Variants in CDH18 observed in about 807,000 individuals in gnomAD.
CDH18 encodes the protein cadherin 18, also known as cadherin-18.
In CDH18, 31 loss-of-function variants were observed where a neutral mutation model predicts 67.9. That is an observed-to-expected ratio of 0.46 (90% CI 0.34 to 0.62). The LOEUF (loss-of-function observed/expected upper bound fraction) is 0.62. Among genes scored for constraint, CDH18 ranks in the 20% least tolerant of loss-of-function variants. The pLI is 0.01. For missense variants in CDH18, 890 were observed against 975.5 expected (o/e 0.91, Z 1.17); for synonymous variants, 362 against 347.2 (o/e 1.04, Z -0.48).
intron 11 of CDH18, among the ~76,000 whole-genome samples, chr5:19,490,394 G>GGTTTT (rs1741223437): frequency 3.3e-5 from 2 of 60,208 alleles, no homozygotes; most frequent in African/African-American, 1.3e-4. Context: ...ATAAAAATCT[G>GGTTTT]TTTTTTTTTT....
At chr5:19,802,881 T>G (rs1385074977) in intron 3 of CDH18, among the ~76,000 whole-genome samples, 1 of 152,232 alleles carries the variant, frequency 6.6e-6, no homozygotes, top group Non-Finnish European at 1.5e-5. Flanking sequence ...TTAAGTCTGG[T>G]GACGGAAGTG....
intron 8 of CDH18, among the ~76,000 whole-genome samples, chr5:19,563,689 A>G (rs72737465): frequency 0.1 from 15,540 of 152,264 alleles, 1,016 homozygotes; most frequent in Non-Finnish European, 0.13. Flanking sequence ...ATAGAACCCT[A>G]CAAAGATTGT....
At chr5:19,506,936 G>T (rs1279260838) in intron 10 of CDH18, among the ~76,000 whole-genome samples, 1 of 152,176 alleles carries the variant, frequency 6.6e-6, no homozygotes, top group Non-Finnish European at 1.5e-5. Flanking sequence ...CTTCTGCACA[G>T]TGAAAGAAAC....
At chr5:20,381,110 G>T (rs1359129870) in intron 1 of CDH18, among the ~76,000 whole-genome samples, 1 of 152,100 alleles carries the variant, frequency 6.6e-6, no homozygotes, top group Non-Finnish European at 1.5e-5. Flanking sequence ...CAGAGAAAAG[G>T]CCATGTGAGA....
chr5:19,726,323 G>T (rs1478175654), intron 4 of CDH18, among the ~76,000 whole-genome samples: 1 of 152,172 alleles, frequency 6.6e-6, no homozygotes, highest in African/African-American at 2.4e-5. Context: ...CAAAAGAATG[G>T]TCATTAACAG....
chr5:19,759,960 T>G (rs1772120737), intron 3 of CDH18, among the ~76,000 whole-genome samples: 1 of 152,056 alleles, frequency 6.6e-6, no homozygotes. Context: ...AACCTAGAAG[T>G]TTTCTGCTTG....
chr5:19,638,829 T>TG (rs1753555821), intron 5 of CDH18, among the ~76,000 whole-genome samples: 1 of 151,956 alleles, frequency 6.6e-6, no homozygotes, highest in Non-Finnish European at 1.5e-5. Flanking sequence ...CACAGCTCAA[T>TG]GCAAAGAGGG....
chr5:19,758,034 C>A (rs1251123570), intron 3 of CDH18, among the ~76,000 whole-genome samples: 1 of 152,200 alleles, frequency 6.6e-6, no homozygotes, highest in Non-Finnish European at 1.5e-5. Context: ...TCCCATGAGG[C>A]CTTCAGTGCA....
chr5:19,723,609 T>C (rs1766402304), intron 4 of CDH18, among the ~76,000 whole-genome samples: 1 of 152,208 alleles, frequency 6.6e-6, no homozygotes, highest in African/African-American at 2.4e-5. Flanking sequence ...ACTGGGTCAC[T>C]CATACACTGT....
At chr5:20,378,220 C>A (rs748299298) in intron 1 of CDH18, among the ~76,000 whole-genome samples, 11 of 152,156 alleles carry the variant, frequency 7.2e-5, no homozygotes, top group Non-Finnish European at 1.6e-4. Context: ...GTCGTCCAAG[C>A]TGGAGTGCAG....
intron 2 of CDH18, among the ~76,000 whole-genome samples, chr5:19,879,929 T>TG (rs1787439446): frequency 6.6e-6 from 1 of 151,978 alleles, no homozygotes; most frequent in Non-Finnish European, 1.5e-5. Flanking sequence ...AATGAATTGT[T>TG]TGCTTGAAAT....
At chr5:20,089,493 CAATA>C (rs1278691540) in intron 2 of CDH18, among the ~76,000 whole-genome samples, 2 of 152,008 alleles carry the variant, frequency 1.3e-5, no homozygotes, top group Admixed American at 1.3e-4. Flanking sequence ...TTTAGAAAAT[CAATA>C]AATAAATTTA....
At chr5:19,571,477 A>C in intron 8 of CDH18, 102 bp downstream of exon 8, 1 of 1,047,428 alleles carries the variant, frequency 9.5e-7, no homozygotes, top group South Asian at 1.9e-5. Context: ...CGTAGAAAAC[A>C]ACGTAGAAAT....
rs979733767 is a variant in CDH18 at position 20,415,334 on chromosome 5, C to A, written c.-579-159829G>T. ...CTTGGGAGGCGGAGGTTGCAGTGAG[C>A]AGAGATCACACCACTGCACTCCAAA... On this transcript the variant is annotated intron_variant, in intron 1 of 14. Transcript: ENST00000507958. Among the ~76,000 whole-genome samples, 5 of 148,766 alleles carry A rather than the reference C, an allele frequency of 3.4e-5. No homozygotes were observed. The South Asian group carries it at 6.5e-4, about 19-fold the overall frequency.
chr5:19,865,036 A>G (rs576111247), intron 2 of CDH18, among the ~76,000 whole-genome samples: 1 of 152,250 alleles, frequency 6.6e-6, no homozygotes, highest in African/African-American at 2.4e-5. Context: ...GCTGCCCACA[A>G]TGACCAGATG....
chr5:19,762,223 A>G (rs549762079), intron 3 of CDH18, among the ~76,000 whole-genome samples: 1 of 152,332 alleles, frequency 6.6e-6, no homozygotes, highest in African/African-American at 2.4e-5. Context: ...AATGGCAACA[A>G]AAGACAAAAT....
chr5:20,371,901 G>A (rs1743035005), intron 1 of CDH18, among the ~76,000 whole-genome samples: 2 of 152,190 alleles, frequency 1.3e-5, no homozygotes, highest in Admixed American at 1.3e-4. Flanking sequence ...ATATGAGCAT[G>A]AGGAAAGCTT....
intron 2 of CDH18, among the ~76,000 whole-genome samples, chr5:20,118,586 C>T (rs1360857207): frequency 6.6e-6 from 1 of 152,172 alleles, no homozygotes; most frequent in African/African-American, 2.4e-5. Flanking sequence ...TCTCTCCAGA[C>T]TTACCATCTA....
chr5:19,838,738 G>T, intron 3 of CDH18, 21 bp downstream of exon 3: 1 of 1,548,652 alleles, frequency 6.5e-7, no homozygotes, highest in Non-Finnish European at 8.9e-7. Context: ...AGAAAAAACA[G>T]CAAAATAAAC....
Sources: allele counts gnomAD v4.1 joint callset (sites outside exome capture counted in the v4.1 genomes callset), GRCh38; gene constraint gnomAD v4.1.1; transcripts MANE v1.5; gene names NCBI Gene and HGNC (gene_info 2026-07-23, HGNC 2026-07-21).